The following ZNF362 variants were observed in gnomAD, a reference collection of about 807,000 sequenced individuals.
ZNF362 encodes the protein rotund homolog.
ZNF362 carries 11 observed loss-of-function variants against 42.9 expected under a neutral mutation model. The ratio of observed to expected loss-of-function variants is 0.26; its 90% CI spans 0.16 to 0.42. The LOEUF (loss-of-function observed/expected upper bound fraction) is 0.42. Among genes scored for constraint, ZNF362 ranks in the 20% least tolerant of loss-of-function variants. ZNF362 has a pLI of 1.00. For missense variants in ZNF362, 362 were observed against 576.2 expected (o/e 0.63, Z 3.81); for synonymous variants, 255 against 257.3 (o/e 0.99, Z 0.09).
the ZNF362 span, among the ~76,000 whole-genome samples, chr1:33,139,909 C>T: frequency 9.9e-5 from 15 of 152,282 alleles, no homozygotes; most frequent in East Asian, 2.5e-3. Context: ...TGCTGCTTGT[C>T]AGGGTTTCTA....
At chr1:33,258,280 G>C (rs1287869207) in intron 1 of ZNF362, among the ~76,000 whole-genome samples, 1 of 152,166 alleles carries the variant, frequency 6.6e-6, no homozygotes, top group Non-Finnish European at 1.5e-5. Context: ...ACAAGGTCTG[G>C]GGTGACTGGT....
chr1:33,187,799 G>T, the ZNF362 span, among the ~76,000 whole-genome samples: 1 of 152,168 alleles, frequency 6.6e-6, no homozygotes, highest in Non-Finnish European at 1.5e-5. Flanking sequence ...TAAAGCTTTG[G>T]CAATAGAAAG....
At chr1:33,196,781 C>T in the ZNF362 span, among the ~76,000 whole-genome samples, 8 of 152,080 alleles carry the variant, frequency 5.3e-5, no homozygotes, top group African/African-American at 1.4e-4. Flanking sequence ...TGCAGTAGGC[C>T]ATTTACACCA....
chr1:33,278,092 A>T (rs549907476), intron 4 of ZNF362, among the ~76,000 whole-genome samples: 192 of 152,298 alleles, frequency 1.3e-3, no homozygotes, highest in African/African-American at 4.4e-3. Flanking sequence ...TATTTTTTCC[A>T]TTATAAAAGT....
the ZNF362 span, among the ~76,000 whole-genome samples, chr1:33,237,933 G>T: frequency 1.3e-5 from 2 of 152,156 alleles, no homozygotes; most frequent in Non-Finnish European, 2.9e-5. Flanking sequence ...ACCTGCAAGG[G>T]CAGAGTTTAA....
chr1:33,152,889 G>C, the ZNF362 span, among the ~76,000 whole-genome samples: 1 of 152,164 alleles, frequency 6.6e-6, no homozygotes, highest in Non-Finnish European at 1.5e-5. Context: ...CAGGAGCAAG[G>C]CAGGCTGCTC....
chr1:33,256,736 GGCGGGGGCCGGGCCGGGGC>G (rs1645794083), intron 1 of ZNF362, 82 bp downstream of exon 1: 1 of 145,670 alleles, frequency 6.9e-6, no homozygotes, highest in African/African-American at 2.5e-5. Flanking sequence ...CCGAGTTGCG[GGCGGGGGCCGGGCCGGGGC>G]GCGGGCGCTG....
At chr1:33,207,637 G>A in the ZNF362 span, among the ~76,000 whole-genome samples, 1 of 152,016 alleles carries the variant, frequency 6.6e-6, no homozygotes. Context: ...TTTAATGATC[G>A]CCATTCTAAC....
At chr1:33,161,432 C>T in the ZNF362 span, among the ~76,000 whole-genome samples, 1 of 152,142 alleles carries the variant, frequency 6.6e-6, no homozygotes, top group African/African-American at 2.4e-5. This position sits in a 1 kb window ranked among gnomAD's most constrained non-coding sequence, Gnocchi z 4.3. Context: ...GAGTCAGAAA[C>T]CCCACTGTGT....
chr1:33,298,856 G>A lies in ZNF362; in HGVS notation c.1147-74G>A, dbSNP rs113622106. On this transcript the variant is annotated intron_variant, in intron 8 of 8. Transcript: ENST00000539719. ...GCCTACCAAGAGCCCTCCAGTGGCTGCTGGTGGGAACTGCAGCCTCTTCTC... is the reference window on the plus strand; with the variant it reads ...GCCTACCAAGAGCCCTCCAGTGGCTACTGGTGGGAACTGCAGCCTCTTCTC... 4,235 of 1,306,748 alleles carry A rather than the reference G, an allele frequency of 3.2e-3. 77 individuals carry two copies. In the African/African-American group the frequency reaches 0.037, roughly 12 times the overall value. The allele number at this position is 1,306,748 out of a possible 1,614,324, so 80.9% of individuals were successfully genotyped here. A position where few individuals can be genotyped will look rare whatever the true frequency, so the allele number is the denominator to read the frequency against.
intron 1 of ZNF362, among the ~76,000 whole-genome samples, chr1:33,259,729 A>T (rs1007139768): frequency 2.0e-5 from 3 of 152,240 alleles, no homozygotes; most frequent in Admixed American, 6.5e-5. Flanking sequence ...AAGAGGTGAG[A>T]CTGCAGGTGC....
intron 4 of ZNF362, among the ~76,000 whole-genome samples, chr1:33,279,174 G>A (rs1358204807): frequency 2.0e-5 from 3 of 151,970 alleles, no homozygotes; most frequent in African/African-American, 4.8e-5. Flanking sequence ...ACAGGCACAC[G>A]CCACCACACC....
At chr1:33,220,089 G>T in the ZNF362 span, among the ~76,000 whole-genome samples, 1 of 152,160 alleles carries the variant, frequency 6.6e-6, no homozygotes, top group African/African-American at 2.4e-5. Flanking sequence ...GGAGAGCGCA[G>T]TGGAGCAGAA....
the ZNF362 span, among the ~76,000 whole-genome samples, chr1:33,205,746 T>C: frequency 1.3e-5 from 2 of 151,984 alleles, no homozygotes; most frequent in Non-Finnish European, 2.9e-5. Flanking sequence ...AAACCCTGTC[T>C]CTACTAAAAA....
At chr1:33,136,012 G>A in the ZNF362 span, among the ~76,000 whole-genome samples, 2 of 151,854 alleles carry the variant, frequency 1.3e-5, no homozygotes, top group Non-Finnish European at 2.9e-5. Context: ...ACTGAGCTGG[G>A]GAAGGTGGAC....
chr1:33,170,536 C>G, the ZNF362 span, among the ~76,000 whole-genome samples: 2 of 152,056 alleles, frequency 1.3e-5, no homozygotes, highest in African/African-American at 4.8e-5. Context: ...TGTCCCTGCC[C>G]AAGGATGAGG....
chr1:33,175,001 G>GTATATGTATATGTATATGTATATGTA, the ZNF362 span, among the ~76,000 whole-genome samples: 2 of 135,646 alleles, frequency 1.5e-5, no homozygotes, highest in African/African-American at 5.8e-5. Context: ...ACACACACAT[G>GTATATGTATATGTATATGTATATGTA]TATGTATATG....
chr1:33,213,217 C>T, the ZNF362 span, among the ~76,000 whole-genome samples: 1 of 152,118 alleles, frequency 6.6e-6, no homozygotes, highest in Non-Finnish European at 1.5e-5. Flanking sequence ...GCGATCTTGG[C>T]TCCTGACCTC....
chr1:33,288,409 G>A (rs2148125232), intron 6 of ZNF362, among the ~76,000 whole-genome samples: 1 of 152,288 alleles, frequency 6.6e-6, no homozygotes, highest in South Asian at 2.1e-4. Context: ...AGGGCCACTA[G>A]CTTCAGCTCA....
Sources: gnomAD v4.1 joint callset for allele counts (sites outside exome capture counted in the v4.1 genomes callset) on GRCh38, gnomAD v4.1.1 for gene constraint, Gnocchi (gnomAD v3.1) non-coding constraint, MANE v1.5 for transcripts, NCBI Gene and HGNC (gene_info 2026-07-23, HGNC 2026-07-21) for gene names.